Variants in PCDHA6 observed in about 807,000 individuals in gnomAD.
PCDHA6 encodes the protein protocadherin alpha-6.
Under a neutral mutation model 60.3 loss-of-function variants are expected in PCDHA6, and 55 were observed. That is an observed-to-expected ratio of 0.91 (90% CI 0.73 to 1.14). The LOEUF is 1.14. Ranked by LOEUF, PCDHA6 falls within the 50% of genes most tolerant of loss-of-function variation. The probability of loss-of-function intolerance (pLI) is 0.00; values close to 1 mark genes in which losing one functional copy is unlikely to be tolerated. For missense variants in PCDHA6, 1,327 were observed against 1,256.5 expected (o/e 1.06, Z -0.85); for synonymous variants, 652 against 557.9 (o/e 1.17, Z -2.38).
At position 140,967,913 on chromosome 5, in the gene PCDHA6, A is replaced by G. The variant is rs548732358; in HGVS notation, c.2395-11036A>G. 3.7e-6 allele frequency: 6 copies of G among 1,614,184 alleles called. No homozygotes were observed. The highest frequency in any genetic ancestry group is 1.3e-5 in the African/African-American group (1 of 75,042). ...GCCTGAGAATGCTACACCCAACACC[A>G]TTGTGGCCGTTCTCAGTGTCAATGA... On this transcript the variant is annotated intron_variant, in intron 1 of 3. Transcript: ENST00000529310.
intron 1 of PCDHA6, among the ~76,000 whole-genome samples, chr5:140,976,680 C>T (rs2096726528): frequency 6.6e-6 from 1 of 152,146 alleles, no homozygotes; most frequent in African/African-American, 2.4e-5. Context: ...CTCATTTTTG[C>T]AATTTAAGTA....
chr5:140,957,254 A>T (rs2095344725), intron 1 of PCDHA6, among the ~76,000 whole-genome samples: 1 of 152,192 alleles, frequency 6.6e-6, no homozygotes, highest in Non-Finnish European at 1.5e-5. Flanking sequence ...TAAAATTTAA[A>T]TATGTAAGCA....
Position 140,843,748 on chromosome 5 carries a change from C to A in PCDHA6, c.2394+13263C>A. On this transcript the variant is annotated intron_variant, in intron 1 of 3. Coordinates refer to ENST00000529310, the MANE Select transcript of PCDHA6 (RefSeq NM_018909.4). ...CATTTAAATTTAGAACTCATAAATT[C>A]TATTTGTGGAAATTGTAGTTACTTT... is the stretch of plus-strand genomic sequence containing the variant. 1.3e-6 allele frequency: 2 copies of A among 1,523,192 alleles called. 1 individual carries two copies. Among genetic ancestry groups the A allele is most frequent in the Non-Finnish European group, 1.8e-6 (2 of 1,110,082 alleles). 94.4% of individuals were successfully genotyped at this position (1,523,192 alleles called of 1,614,324 possible). A position where few individuals can be genotyped will look rare whatever the true frequency, so the allele number is the denominator to read the frequency against.
chr5:140,975,099 A>G (rs540357854), intron 1 of PCDHA6, among the ~76,000 whole-genome samples: 1 of 152,152 alleles, frequency 6.6e-6, no homozygotes, highest in Non-Finnish European at 1.5e-5. Flanking sequence ...TTGTTTGGGG[A>G]CTGAGATCTC....
rs1041924506 is a variant in PCDHA6 at position 140,932,800 on chromosome 5, C to T, written c.2395-46149C>T. ...GAGTGGACATAAGAGAAAAGCAATA[C>T]CTTGGAAACATATAAGTGGGAAAGT... On this transcript the variant is annotated intron_variant, in intron 1 of 3. Coordinates refer to ENST00000529310, the MANE Select transcript of PCDHA6 (RefSeq NM_018909.4). Among the ~76,000 whole-genome samples the T allele has an allele frequency of 2.6e-5, 4 of 151,684 alleles. No homozygotes were observed. The East Asian group carries it at 5.8e-4, about 22-fold the overall frequency.
chr5:140,875,261 G>T, intron 1 of PCDHA6: 1 of 1,130,462 alleles, frequency 8.8e-7, no homozygotes, highest in East Asian at 2.7e-5. Flanking sequence ...ACATGATGTC[G>T]CTCTACACTC....
chr5:140,853,745 C>G lies in PCDHA6; in HGVS notation c.2394+23260C>G. ...TAAGTCCTCATTGAATGTTCTGGTT[C>G]AAGGCTCCACCTCAGAAATTCTGAA... On this transcript the variant is annotated intron_variant, in intron 1 of 3. Transcript: ENST00000529310. 3.0e-6 allele frequency: 3 copies of G among 988,528 alleles called. 1 individual carries two copies. Among genetic ancestry groups the G allele is most frequent in the Non-Finnish European group, 3.7e-6 (3 of 820,460 alleles). The allele number at this position is 988,528 out of a possible 1,614,324, so 61.2% of individuals were successfully genotyped here. A position where few individuals can be genotyped will look rare whatever the true frequency, so the allele number is the denominator to read the frequency against.
At chr5:140,998,687 C>T (rs922040842) in intron 3 of PCDHA6, among the ~76,000 whole-genome samples, 9 of 152,042 alleles carry the variant, frequency 5.9e-5, no homozygotes, top group Non-Finnish European at 1.5e-5. Flanking sequence ...GCCTCAGCCT[C>T]CCAAGTAGCT....
At chr5:140,916,379 C>G (rs180755548) in intron 1 of PCDHA6, among the ~76,000 whole-genome samples, 2 of 152,302 alleles carry the variant, frequency 1.3e-5, no homozygotes, top group Admixed American at 6.5e-5. Context: ...GTAGCCACCA[C>G]AACTAGGAAT....
At chr5:140,929,395 C>G (rs1317256449) in intron 1 of PCDHA6, 8 of 1,510,412 alleles carry the variant, frequency 5.3e-6, no homozygotes, top group Non-Finnish European at 5.3e-6. Flanking sequence ...TGAAATATTT[C>G]TTAGACAAGC....
chr5:140,955,492 A>G, intron 1 of PCDHA6, among the ~76,000 whole-genome samples: 1 of 152,138 alleles, frequency 6.6e-6, no homozygotes, highest in East Asian at 1.9e-4. Context: ...TCCTGCCACC[A>G]TGTGAAGAAA....
rs150962684 is a variant in PCDHA6, at chr5:140,829,379, G to T, written c.1288G>T (p.Gly430Trp). The T allele has an allele frequency of 6.2e-7, 1 of 1,614,184 alleles. No homozygotes were observed. The highest frequency in any genetic ancestry group is 8.5e-7 in the Non-Finnish European group (1 of 1,180,050). Reference protein sequence around the residue: ...AYELVVTARDGGSPSLWATAS... With the variant: ...AYELVVTARDWGSPSLWATAS... ...TGAGTTGGTGGTAACCGCGCGGGAC[G>T]GGGGCTCGCCTTCGCTGTGGGCCAC... Residue 430 changes from glycine (G) to tryptophan (W), a missense_variant, in exon 1 of 4, where the codon GGG becomes TGG. Gly to Trp is a radical substitution (Grantham distance 184, BLOSUM62 -2). Transcript: ENST00000529310.
rs1554202543 is a variant in PCDHA6 at position 140,925,106 on chromosome 5, G to GA, written c.2395-53842dup. The stretch of plus-strand genomic sequence containing the variant: ...GAAAGGAAGGAAGGAAGGAAGGAAG[G>GA]AGGGAAGGAAGGAAGGAAAAAAAAT... On this transcript the variant is annotated intron_variant, in intron 1 of 3. Coordinates refer to ENST00000529310, the MANE Select transcript of PCDHA6 (RefSeq NM_018909.4). Among the ~76,000 whole-genome samples the GA allele has an allele frequency of 6.6e-3, 1,003 of 151,180 alleles. 6 individuals are homozygous for GA. Among genetic ancestry groups the GA allele is most frequent in the African/African-American group, 0.017 (687 of 41,108 alleles).
intron 1 of PCDHA6, among the ~76,000 whole-genome samples, chr5:140,881,835 G>A (rs1048266615): frequency 2.6e-5 from 4 of 152,124 alleles, no homozygotes; most frequent in Non-Finnish European, 5.9e-5. Context: ...AGTTCTGCAT[G>A]GAATTCTTAC....
Position 140,830,013 on chromosome 5 carries a change from A to T in PCDHA6, c.1922A>T (p.Asp641Val), listed in dbSNP as rs2150179527. The T allele has an allele frequency of 5.0e-6, 8 of 1,613,332 alleles. No homozygotes were observed. The Admixed American group carries it at 1.0e-4, about 20-fold the overall frequency. The change falls in exon 1 of 4, where the codon GAC becomes GTC. Residue 641 changes from aspartate to valine, a missense_variant. Asp to Val is a radical substitution (Grantham distance 152). Coordinates refer to ENST00000529310, the MANE Select transcript of PCDHA6 (RefSeq NM_018909.4). ...ISTTRVLDEA[D>V]SPRHRLLVLV... is the part of the protein sequence containing the mutation. ...ACCACTCGTGTCCTGGACGAAGCGG[A>T]CTCTCCGCGCCACCGGCTGCTGGTG...
At chr5:140,921,920 TTA>T (rs1253318185) in intron 1 of PCDHA6, among the ~76,000 whole-genome samples, 1 of 151,888 alleles carries the variant, frequency 6.6e-6, no homozygotes, top group African/African-American at 2.4e-5. Flanking sequence ...ATGATAAAAC[TTA>T]TAGTCAATAT....
chr5:140,875,498 C>G lies in PCDHA6; in HGVS notation c.2394+45013C>G. 1.9e-6 allele frequency: 3 copies of G among 1,613,292 alleles called. No homozygotes were observed. Among genetic ancestry groups the G allele is most frequent in the Non-Finnish European group, 1.7e-6 (2 of 1,179,476 alleles). ...ATGGTGATTATCGGACCAAGAGGCCCGGGATCCCAGCGTCTGCTGCTCTCG... is the reference window on the plus strand; with the variant it reads ...ATGGTGATTATCGGACCAAGAGGCCGGGGATCCCAGCGTCTGCTGCTCTCG... On this transcript the variant is annotated intron_variant, in intron 1 of 3. Transcript: ENST00000529310.
chr5:140,860,192 C>CATATATATATATAT (rs143984774), intron 1 of PCDHA6: 1 of 146,860 alleles, frequency 6.8e-6, no homozygotes, highest in African/African-American at 2.5e-5. Context: ...GCTCTCCTTA[C>CATATATATATATAT]ATATATATCT....
intron 1 of PCDHA6, chr5:140,928,441 C>A: frequency 4.3e-6 from 7 of 1,614,140 alleles, no homozygotes; most frequent in Non-Finnish European, 5.9e-6. Context: ...TGACTTTGAG[C>A]AGCTCAGGGG....
Sources: allele counts gnomAD v4.1 joint callset (sites outside exome capture counted in the v4.1 genomes callset), GRCh38; gene constraint gnomAD v4.1.1; transcripts MANE v1.5; gene names NCBI Gene and HGNC (gene_info 2026-07-23, HGNC 2026-07-21).